The following FARP1 variants were observed in gnomAD, a reference collection of about 807,000 sequenced individuals.
FARP1 encodes the protein FERM, ARH/RhoGEF and pleckstrin domain protein 1.
FARP1 carries 52 observed loss-of-function variants against 128.8 expected under a neutral mutation model. The ratio of observed to expected loss-of-function variants is 0.40; its 90% CI spans 0.32 to 0.51. The LOEUF is 0.51. Among genes scored for constraint, FARP1 ranks in the 20% least tolerant of loss-of-function variants. The pLI, the probability that FARP1 is intolerant of heterozygous loss-of-function variation, is 0.45. For missense variants in FARP1, 1,333 were observed against 1,367.9 expected (o/e 0.97, Z 0.40); for synonymous variants, 580 against 551.8 (o/e 1.05, Z -0.72).
intron 2 of FARP1, among the ~76,000 whole-genome samples, chr13:98,230,821 T>A (rs1020087850): frequency 3.3e-5 from 5 of 152,208 alleles, no homozygotes; most frequent in Non-Finnish European, 7.3e-5. Flanking sequence ...TGTATTAGTC[T>A]GTTCTCATGC....
chr13:98,318,515 A>G (rs1886842828), intron 2 of FARP1, among the ~76,000 whole-genome samples: 2 of 152,250 alleles, frequency 1.3e-5, no homozygotes, highest in South Asian at 4.1e-4. Flanking sequence ...AGTCCATAGC[A>G]GTGTCAAAGC....
chr13:98,162,928 C>T (rs1876986748), intron 1 of FARP1, among the ~76,000 whole-genome samples: 1 of 152,094 alleles, frequency 6.6e-6, no homozygotes, highest in Admixed American at 6.5e-5. Context: ...TCTCAGAGAG[C>T]AAAAAACAGA....
chr13:98,292,840 C>T (rs1351668436), intron 2 of FARP1, among the ~76,000 whole-genome samples: 4 of 152,178 alleles, frequency 2.6e-5, no homozygotes, highest in Admixed American at 6.5e-5. Flanking sequence ...TTGTACCCTT[C>T]AGTTGAAACA....
intron 2 of FARP1, among the ~76,000 whole-genome samples, chr13:98,313,232 T>C (rs1594389200): frequency 9.5e-6 from 1 of 105,054 alleles, no homozygotes. Flanking sequence ...TGGAATCGGG[T>C]GGGTCATAAT....
chr13:98,227,462 A>C (rs553885377), intron 2 of FARP1, among the ~76,000 whole-genome samples: 20 of 152,094 alleles, frequency 1.3e-4, no homozygotes, highest in South Asian at 6.2e-4. Flanking sequence ...AAAAAAAAAA[A>C]AAACAGAAAA....
chr13:98,408,116 C>A (rs1204469886), intron 13 of FARP1, among the ~76,000 whole-genome samples: 1 of 152,150 alleles, frequency 6.6e-6, no homozygotes, highest in Non-Finnish European at 1.5e-5. Flanking sequence ...GTTATTTTAA[C>A]TTTGCTTACC....
intron 2 of FARP1, among the ~76,000 whole-genome samples, chr13:98,262,201 A>G: frequency 6.8e-6 from 1 of 146,856 alleles, no homozygotes; most frequent in Non-Finnish European, 1.5e-5. Flanking sequence ...TTTTTTTTTT[A>G]AAGAAACATG....
intron 2 of FARP1, among the ~76,000 whole-genome samples, chr13:98,314,090 T>C (rs113836417): frequency 1.8e-3 from 267 of 151,838 alleles, no homozygotes; most frequent in African/African-American, 5.8e-3. Flanking sequence ...TGTGTGCGGA[T>C]GGGTACAGGT....
intron 1 of FARP1, among the ~76,000 whole-genome samples, chr13:98,192,313 A>T (rs1458303137): frequency 2.0e-5 from 3 of 152,008 alleles, no homozygotes; most frequent in Non-Finnish European, 4.4e-5. Flanking sequence ...AATTATGGGT[A>T]TTTATGGTAT....
chr13:98,350,536 C>T (rs990110101), intron 3 of FARP1, among the ~76,000 whole-genome samples: 1 of 152,140 alleles, frequency 6.6e-6, no homozygotes, highest in Non-Finnish European at 1.5e-5. Flanking sequence ...TTCACTCTTG[C>T]TGTTGAACAT....
rs1383399406 is a variant in FARP1 at position 98,422,749 on chromosome 13, G to GCC, written c.1827-1823_1827-1822insCC. On this transcript the variant is annotated intron_variant, in intron 16 of 26. Coordinates refer to ENST00000319562, the MANE Select transcript of FARP1 (RefSeq NM_005766.4). ...CCTCCTTGCCCTCTTCTGTTCGTCA[G>GCC]AAGATCCTTGATGTATCGGAGATTG... 4.6e-5 allele frequency among the ~76,000 whole-genome samples: 7 copies of GCC among 152,252 alleles called. No individual in the cohort carries two copies. In the East Asian group the frequency reaches 1.4e-3, roughly 29 times the overall value.
At position 98,412,181 on chromosome 13, in the gene FARP1, G is replaced by C. The variant is rs970137073; in HGVS notation, c.1826+147G>C. The C allele has an allele frequency of 3.9e-6, 3 of 769,944 alleles. No homozygotes were observed. The African/African-American group carries it at 5.3e-5, about 13-fold the overall frequency. The allele number at this position is 769,944 out of a possible 1,614,324, so 47.7% of individuals were successfully genotyped here. A position where few individuals can be genotyped will look rare whatever the true frequency, so the allele number is the denominator to read the frequency against. On this transcript the variant is annotated intron_variant, in intron 16 of 26. Coordinates refer to ENST00000319562, the MANE Select transcript of FARP1 (RefSeq NM_005766.4). ...CAAGTCAGCCTTCAAATGATTTTCA[G>C]TTAAATCCTACATGCGTTCAGATCT...
At chr13:98,407,820 G>A (rs1438809832) in intron 13 of FARP1, among the ~76,000 whole-genome samples, 1 of 152,122 alleles carries the variant, frequency 6.6e-6, no homozygotes, top group Non-Finnish European at 1.5e-5. Context: ...GCTGGTGGTG[G>A]TTTCTCCAGG....
intron 2 of FARP1, among the ~76,000 whole-genome samples, chr13:98,262,046 T>C (rs537171647): frequency 1.9e-4 from 28 of 148,070 alleles, no homozygotes; most frequent in African/African-American, 5.0e-4. Context: ...GATGGAGTCT[T>C]ACTCTGTCAC....
chr13:98,244,765 G>A, intron 2 of FARP1: 1 of 1,596,890 alleles, frequency 6.3e-7, no homozygotes, highest in Non-Finnish European at 8.5e-7. Flanking sequence ...ATTGGCAATG[G>A]CCAGAGTTAA....
chr13:98,154,069 CTT>C (rs1876324140), intron 1 of FARP1, among the ~76,000 whole-genome samples: 1 of 152,180 alleles, frequency 6.6e-6, no homozygotes, highest in South Asian at 2.1e-4. Flanking sequence ...AGACTGGCCT[CTT>C]TCATTCAGCC....
At chr13:98,187,768 T>A (rs1405447737) in intron 1 of FARP1, among the ~76,000 whole-genome samples, 2 of 152,174 alleles carry the variant, frequency 1.3e-5, no homozygotes, top group African/African-American at 4.8e-5. Context: ...GTTGAAATAA[T>A]CTAGTGGAGA....
In FARP1 at chr13:98,411,975, A is replaced by G. The variant is rs765941843; in HGVS notation, c.1767A>G (p.Glu589=). The G allele has an allele frequency of 1.9e-5, 30 of 1,613,950 alleles. No individual in the cohort carries two copies. Among genetic ancestry groups the G allele is most frequent in the Non-Finnish European group, 2.3e-5 (27 of 1,179,920 alleles). ...ALKSLIFPNF[E]PLHKFHTNFL... is the part of the protein sequence containing the mutation. The stretch of plus-strand genomic sequence containing the variant: ...AAAGTCTCATATTCCCGAATTTTGA[A>G]CCTTTGCACAAATTTCATACTAATT... The change falls in exon 16 of 27, where the codon GAA becomes GAG. Residue 589 remains glutamate, a synonymous_variant. Coordinates refer to ENST00000319562, the MANE Select transcript of FARP1 (RefSeq NM_005766.4).
intron 21 of FARP1, among the ~76,000 whole-genome samples, chr13:98,439,426 C>T (rs1448482564): frequency 6.6e-6 from 1 of 152,186 alleles, no homozygotes; most frequent in Non-Finnish European, 1.5e-5. Context: ...GGACACGGCT[C>T]CTTCTCCTGC....
Sources: allele counts gnomAD v4.1 joint callset (sites outside exome capture counted in the v4.1 genomes callset), GRCh38; gene constraint gnomAD v4.1.1; transcripts MANE v1.5; gene names NCBI Gene and HGNC (gene_info 2026-07-23, HGNC 2026-07-21).